Variants in ADCY3 observed in about 807,000 individuals in gnomAD.
The protein encoded by ADCY3 is adenylate cyclase type 3.
Under a neutral mutation model 119.4 loss-of-function variants are expected in ADCY3, and 70 were observed. That is an observed-to-expected ratio of 0.59 (90% confidence interval 0.48 to 0.72). ADCY3 has a LOEUF of 0.72. Ranked by LOEUF, ADCY3 falls within the 30% of genes least tolerant of loss-of-function variation. ADCY3 has a pLI of 0.00. For synonymous variants in ADCY3, 672 were observed against 621.4 expected (o/e 1.08, Z -1.21); for missense variants, 1,238 against 1,541.6 (o/e 0.80, Z 3.30).
rs926163340 is a variant in ADCY3 at position 24,842,760 on chromosome 2, G to A, written c.826-376C>T. On this transcript the variant is annotated intron_variant, in intron 3 of 21. Transcript: ENST00000679454. This position sits in a 1 kb window ranked among gnomAD's most constrained non-coding sequence, Gnocchi z 4.9. Reference sequence around the variant, plus strand: ...CGGGGTCACCTCAGCCACCCGCCACGGCTGCACAGAGCCATCGCTCACAAA... The same window carrying A: ...CGGGGTCACCTCAGCCACCCGCCACAGCTGCACAGAGCCATCGCTCACAAA... 2.0e-5 allele frequency among the ~76,000 whole-genome samples: 3 copies of A among 152,204 alleles called. No individual in the cohort carries two copies. Among genetic ancestry groups the A allele is most frequent in the Non-Finnish European group, 2.9e-5 (2 of 68,042 alleles).
chr2:24,837,567 G>A (rs1670464949), intron 8 of ADCY3, among the ~76,000 whole-genome samples: 1 of 152,210 alleles, frequency 6.6e-6, no homozygotes, highest in South Asian at 2.1e-4. Flanking sequence ...CCATAGAGCA[G>A]TCTCAAATGA....
At chr2:24,826,890 GGAGTGTAA>G (rs1426946998) in intron 15 of ADCY3, among the ~76,000 whole-genome samples, 2 of 152,190 alleles carry the variant, frequency 1.3e-5, no homozygotes, top group African/African-American at 4.8e-5. Flanking sequence ...ACTCCCACCA[GGAGTGTAA>G]GAGTTACTAT....
intron 2 of ADCY3, among the ~76,000 whole-genome samples, chr2:24,875,986 T>TA (rs1553354681): frequency 6.7e-6 from 1 of 149,152 alleles, no homozygotes; most frequent in Non-Finnish European, 1.5e-5. Flanking sequence ...GACTTCTTTT[T>TA]GGGAGGGGGG....
Position 24,819,829 on chromosome 2 carries a change from A to G in ADCY3, c.*103T>C. ...AAGGCTGAGGAGGTTTCTAAACCTA[A>G]AGTCCATGAGTGTGCACTTCAATCC... On this transcript the variant is annotated 3_prime_UTR_variant, in exon 22 of 22. Transcript: ENST00000679454. 1 of 1,263,690 alleles carries G rather than the reference A, an allele frequency of 7.9e-7. No individual in the cohort carries two copies. The highest frequency in any genetic ancestry group is 1.1e-6 in the Non-Finnish European group (1 of 918,948). 78.3% of individuals were successfully genotyped at this position (1,263,690 alleles called of 1,614,324 possible).
chr2:24,906,031 G>A (rs770343585), intron 2 of ADCY3, among the ~76,000 whole-genome samples: 5 of 152,140 alleles, frequency 3.3e-5, no homozygotes, highest in Admixed American at 2.6e-4. Flanking sequence ...ACAATGGAAG[G>A]GATAGGAAAT....
chr2:24,829,625 T>G (rs1669173363), intron 13 of ADCY3, among the ~76,000 whole-genome samples: 1 of 150,882 alleles, frequency 6.6e-6, no homozygotes, highest in Non-Finnish European at 1.5e-5. Flanking sequence ...GTTTCAACTG[T>G]GTTAGCCAGG....
At position 24,824,536 on chromosome 2, in the gene ADCY3, C is replaced by G; in HGVS notation, c.2578G>C (p.Val860Leu). The G allele has an allele frequency of 6.2e-7, 1 of 1,614,060 alleles. No homozygotes were observed. Among genetic ancestry groups the G allele is most frequent in the Non-Finnish European group, 8.5e-7 (1 of 1,179,910 alleles). ...MLSFYYFSRH[V>L]EKLARTLFLW... ...AAAAGTGTCCGTGCCAGTTTTTCTA[C>G]CTACAGACACAGACAAGGCGAGGCA... Residue 860 changes from valine to leucine, a missense_variant and splice_region_variant, in exon 17 of 22, where the codon GTA becomes CTA. This residue lies in a region of ADCY3 where 499 missense variants were observed against 571.0 expected (regional missense o/e 0.87). Transcript: ENST00000679454.
intron 2 of ADCY3, among the ~76,000 whole-genome samples, chr2:24,886,013 T>C (rs192294124): frequency 1.2e-4 from 18 of 152,338 alleles, no homozygotes; most frequent in Admixed American, 7.8e-4. Flanking sequence ...TCATTTTACT[T>C]GCTAATATAT....
rs532741683 is a variant in ADCY3, at chr2:24,879,090, C to G, written c.676-6371G>C. Among the ~76,000 whole-genome samples the G allele has an allele frequency of 2.4e-4, 37 of 152,260 alleles. No homozygotes were observed. In the East Asian group the frequency reaches 6.8e-3, roughly 28 times the overall value. On this transcript the variant is annotated intron_variant, in intron 2 of 21. Transcript: ENST00000679454. ...AGTCACATAGACCTGCACACGGCTG[C>G]CCGCAGGCTGTGTGCCCTGGAGCAA...
chr2:24,897,915 C>T (rs1678471370), intron 2 of ADCY3, among the ~76,000 whole-genome samples: 1 of 152,166 alleles, frequency 6.6e-6, no homozygotes, highest in Non-Finnish European at 1.5e-5. Context: ...CGTTCGCTGC[C>T]AGAATCATCT....
Position 24,842,552 on chromosome 2 carries a change from G to C in ADCY3, c.826-168C>G. 1 of 851,112 alleles carries C rather than the reference G, an allele frequency of 1.2e-6. No individual in the cohort carries two copies. The highest frequency in any genetic ancestry group is 1.8e-6 in the Non-Finnish European group (1 of 563,556). 52.7% of individuals were successfully genotyped at this position (851,112 alleles called of 1,614,324 possible). A position where few individuals can be genotyped will look rare whatever the true frequency, so the allele number is the denominator to read the frequency against. On this transcript the variant is annotated intron_variant, in intron 3 of 21. Transcript: ENST00000679454. This position sits in a 1 kb window ranked among gnomAD's most constrained non-coding sequence, Gnocchi z 4.9. ...GCCTCGGGAGCAGCCAGGGGTCTGGGACAGGCAGCTTCTGGCCCTGACAAG... is the reference window on the plus strand; with the variant it reads ...GCCTCGGGAGCAGCCAGGGGTCTGGCACAGGCAGCTTCTGGCCCTGACAAG...
intron 15 of ADCY3, among the ~76,000 whole-genome samples, chr2:24,827,192 A>T (rs1190693531): frequency 6.6e-6 from 1 of 152,154 alleles, no homozygotes; most frequent in Non-Finnish European, 1.5e-5. Context: ...TCCTCAAGAG[A>T]TGAAATTGCA....
rs896529525 is a variant in ADCY3, at chr2:24,841,292, A to G, written c.1163T>C (p.Ile388Thr). The G allele has an allele frequency of 6.4e-7, 1 of 1,571,744 alleles. No homozygotes were observed. The highest frequency in any genetic ancestry group is 1.3e-5 in the African/African-American group (1 of 74,230). The change falls in exon 6 of 22, where the codon ATC becomes ACC. Residue 388 changes from isoleucine (I) to threonine (T), a missense_variant. By Grantham distance (89) the Ile-to-Thr change is moderately conservative. Coordinates refer to ENST00000679454, the MANE Select transcript of ADCY3 (RefSeq NM_004036.5). This position sits in a 1 kb window ranked among gnomAD's most constrained non-coding sequence, Gnocchi z 5.8. ...CTCCACCATGGCCAGCCCCATGAGG[A>G]TGGAGCAGACGGCGTGGTCCTCCCG... ...DYREDHAVCS[I>T]LMGLAMVEAI... is the part of the protein sequence containing the mutation.
intron 2 of ADCY3, among the ~76,000 whole-genome samples, chr2:24,910,228 G>A (rs535909022): frequency 6.6e-5 from 10 of 152,196 alleles, no homozygotes; most frequent in East Asian, 1.9e-4. Context: ...TTTTGAGACC[G>A]GTCTTGCTCT....
intron 2 of ADCY3, among the ~76,000 whole-genome samples, chr2:24,890,765 G>A (rs890703233): frequency 2.0e-5 from 3 of 151,942 alleles, no homozygotes; most frequent in Non-Finnish European, 4.4e-5. Context: ...GATTTGTAAT[G>A]TTTTCCCACT....
intron 16 of ADCY3, 21 bp from the exon 17 acceptor site, chr2:24,824,557 A>G (rs1265123059): frequency 6.2e-7 from 1 of 1,613,186 alleles, no homozygotes. Flanking sequence ...AGACAAGGCG[A>G]GGCATGTGCT....
chr2:24,905,157 A>G (rs1679325225), intron 2 of ADCY3, among the ~76,000 whole-genome samples: 2 of 148,202 alleles, frequency 1.3e-5, no homozygotes, highest in Non-Finnish European at 3.0e-5. Flanking sequence ...TTTTTGAGGC[A>G]GAGTCTTGTT....
intron 2 of ADCY3, among the ~76,000 whole-genome samples, chr2:24,914,837 C>CT (rs1461071929): frequency 2.0e-5 from 3 of 152,144 alleles, no homozygotes; most frequent in African/African-American, 7.2e-5. Flanking sequence ...ATCCCCTGAC[C>CT]TTGCAGGCTG....
At chr2:24,866,578 A>AG (rs964000856) in intron 3 of ADCY3, among the ~76,000 whole-genome samples, 9 of 150,134 alleles carry the variant, frequency 6.0e-5, no homozygotes, top group South Asian at 2.1e-4. Context: ...AAAAAAAAAA[A>AG]AAAAAAAGAA....
Sources: allele counts gnomAD v4.1 joint callset (sites outside exome capture counted in the v4.1 genomes callset), GRCh38; gene constraint gnomAD v4.1.1; regional missense constraint gnomAD v4.1.1; non-coding constraint Gnocchi (gnomAD v3.1); transcripts MANE v1.5; gene names NCBI Gene and HGNC (gene_info 2026-07-23, HGNC 2026-07-21).